NIBAN1: variants seen among roughly 807,000 people sequenced by gnomAD.
The protein encoded by NIBAN1 is protein Niban 1.
In NIBAN1, 81 loss-of-function variants were observed where a neutral mutation model predicts 75.1. That is an observed-to-expected ratio of 1.08 (90% CI 0.90 to 1.30). The LOEUF (loss-of-function observed/expected upper bound fraction) is 1.30, where lower values mean the gene tolerates loss of function less well. NIBAN1 is among the 50% of genes most tolerant of loss of function. NIBAN1 has a pLI of 0.00. For missense variants in NIBAN1, 1,133 were observed against 1,128.1 expected (o/e 1.00, Z -0.06); for synonymous variants, 436 against 424.8 (o/e 1.03, Z -0.32).
At chr1:184,896,795 G>A (rs114710887) in intron 2 of NIBAN1, among the ~76,000 whole-genome samples, 27 of 152,088 alleles carry the variant, frequency 1.8e-4, no homozygotes, top group African/African-American at 6.0e-4. Flanking sequence ...TTTATTGAAT[G>A]GGGTATCCTT....
intron 1 of NIBAN1, among the ~76,000 whole-genome samples, chr1:184,961,497 A>G (rs943527231): frequency 1.3e-5 from 2 of 152,164 alleles, no homozygotes; most frequent in African/African-American, 2.4e-5. Context: ...TCAGTTTTCT[A>G]TCTCAGTGCT....
intron 1 of NIBAN1, among the ~76,000 whole-genome samples, chr1:184,965,025 C>A (rs1207336138): frequency 6.6e-6 from 1 of 152,130 alleles, no homozygotes; most frequent in Admixed American, 6.5e-5. Context: ...CAGGGCCGGG[C>A]GCGGCGGCTC....
intron 5 of NIBAN1, among the ~76,000 whole-genome samples, chr1:184,859,188 TTAAA>T (rs200140118): frequency 3.4e-4 from 51 of 151,816 alleles, no homozygotes; most frequent in African/African-American, 1.0e-3. Context: ...ATGTGCGGTT[TTAAA>T]TAAATAAATA....
intron 13 of NIBAN1, among the ~76,000 whole-genome samples, chr1:184,797,163 C>T (rs377230894): frequency 2.1e-5 from 3 of 142,604 alleles, no homozygotes; most frequent in Admixed American, 1.4e-4. Context: ...TTTTTGAGAC[C>T]GAGTCTCACT....
intron 6 of NIBAN1, among the ~76,000 whole-genome samples, chr1:184,827,578 G>A (rs1357727292): frequency 1.5e-4 from 2 of 13,230 alleles, no homozygotes; most frequent in Non-Finnish European, 3.3e-4. Flanking sequence ...TTTTTTTAAT[G>A]GGGGGTGTTG....
intron 5 of NIBAN1, among the ~76,000 whole-genome samples, chr1:184,845,629 G>A (rs1242541308): frequency 3.6e-5 from 1 of 28,072 alleles, no homozygotes; most frequent in South Asian, 6.6e-4. Flanking sequence ...AGCCAAGATG[G>A]CCGAATAGGA....
At chr1:184,818,207 G>A (rs184901716) in intron 9 of NIBAN1, among the ~76,000 whole-genome samples, 13 of 152,100 alleles carry the variant, frequency 8.5e-5, no homozygotes, top group Middle Eastern at 3.4e-3. Flanking sequence ...TACAAATGAG[G>A]ATATATACTT....
chr1:184,864,620 G>C (rs1655900483), intron 5 of NIBAN1, among the ~76,000 whole-genome samples: 2 of 151,672 alleles, frequency 1.3e-5, no homozygotes. Flanking sequence ...AGTCACCAAG[G>C]TGACTGTAAA....
At chr1:184,957,696 C>T (rs1658525592) in intron 1 of NIBAN1, among the ~76,000 whole-genome samples, 1 of 152,196 alleles carries the variant, frequency 6.6e-6, no homozygotes, top group Non-Finnish European at 1.5e-5. Flanking sequence ...CCTTTTCTCA[C>T]TGGGCATTAC....
intron 5 of NIBAN1, among the ~76,000 whole-genome samples, chr1:184,880,056 A>T (rs1341916225): frequency 6.6e-6 from 1 of 152,188 alleles, no homozygotes; most frequent in Non-Finnish European, 1.5e-5. Context: ...GAACACTGGC[A>T]TCTGTTTAGT....
chr1:184,943,319 A>G (rs1031565137), intron 1 of NIBAN1, among the ~76,000 whole-genome samples: 1 of 152,118 alleles, frequency 6.6e-6, no homozygotes, highest in Admixed American at 6.5e-5. Context: ...AAAAGAGACT[A>G]CAGTTCAATT....
At chr1:184,878,383 C>G (rs896946046) in intron 5 of NIBAN1, among the ~76,000 whole-genome samples, 1 of 152,208 alleles carries the variant, frequency 6.6e-6, no homozygotes, top group African/African-American at 2.4e-5. Context: ...CATGCCCTCA[C>G]AAGCAGTGCA....
At chr1:184,824,457 G>A (rs1161928067) in intron 6 of NIBAN1, among the ~76,000 whole-genome samples, 1 of 151,990 alleles carries the variant, frequency 6.6e-6, no homozygotes, top group Admixed American at 6.6e-5. Context: ...TGCTTGACCT[G>A]CTTCTCCACA....
chr1:184,834,615 G>A (rs1020301216), intron 5 of NIBAN1, among the ~76,000 whole-genome samples: 24 of 152,308 alleles, frequency 1.6e-4, no homozygotes, highest in Non-Finnish European at 2.8e-4. Flanking sequence ...CAGTGATGAT[G>A]AGCATTTTTT....
At chr1:184,873,504 G>A (rs1239740954) in intron 5 of NIBAN1, among the ~76,000 whole-genome samples, 1 of 152,182 alleles carries the variant, frequency 6.6e-6, no homozygotes, top group Non-Finnish European at 1.5e-5. Flanking sequence ...CCAGGAAGAA[G>A]AGAATATTCT....
chr1:184,897,007 C>T (rs142945969), intron 2 of NIBAN1, among the ~76,000 whole-genome samples: 1,624 of 152,092 alleles, frequency 0.011, 19 homozygotes, highest in Non-Finnish European at 0.013. Context: ...CTTGCTTGGG[C>T]GTGCTTTGGC....
intron 4 of NIBAN1, among the ~76,000 whole-genome samples, chr1:184,886,519 C>T (rs1656529733): frequency 3.3e-5 from 5 of 152,058 alleles, no homozygotes; most frequent in Non-Finnish European, 7.4e-5. Flanking sequence ...GGGACTTTTA[C>T]CTCTTCCCTC....
intron 1 of NIBAN1, among the ~76,000 whole-genome samples, chr1:184,941,772 A>T (rs1283335100): frequency 6.6e-6 from 1 of 151,996 alleles, no homozygotes; most frequent in Non-Finnish European, 1.5e-5. Context: ...TACTCTGTTT[A>T]CTAAATGCCA....
intron 9 of NIBAN1, among the ~76,000 whole-genome samples, chr1:184,814,863 T>C (rs556687943): frequency 3.2e-4 from 49 of 152,338 alleles, no homozygotes; most frequent in Middle Eastern, 3.4e-3. Context: ...CAAGAGGACG[T>C]AAGTCCAGTG....
Sources: gnomAD v4.1 joint callset for allele counts (sites outside exome capture counted in the v4.1 genomes callset) on GRCh38, gnomAD v4.1.1 for gene constraint, MANE v1.5 for transcripts, NCBI Gene and HGNC (gene_info 2026-07-23, HGNC 2026-07-21) for gene names.